ACO2: variants seen among roughly 807,000 people sequenced by gnomAD.
ACO2 encodes the protein aconitase 2.
A neutral mutation model predicts 84.5 loss-of-function variants in ACO2; 31 were observed. That is an observed-to-expected ratio of 0.37 (90% CI 0.28 to 0.50). The LOEUF (loss-of-function observed/expected upper bound fraction) is 0.50. ACO2 is among the 20% of genes least tolerant of loss of function. The pLI, the probability that ACO2 is intolerant of heterozygous loss-of-function variation, is 0.97. For missense variants in ACO2, 685 were observed against 1,029.3 expected (o/e 0.67, Z 4.58); for synonymous variants, 414 against 412.7 (o/e 1.00, Z -0.04).
At chr22:41,478,736 C>T (rs73887726) in intron 1 of ACO2, among the ~76,000 whole-genome samples, 2,851 of 151,544 alleles carry the variant, frequency 0.019, 81 homozygotes, top group African/African-American at 0.059. Flanking sequence ...TCCTTTAAAA[C>T]CCCCGCCCTG....
Position 41,528,965 on chromosome 22 carries a change from T to C in ACO2, c.*352T>C. The C allele has an allele frequency of 1.9e-6, 1 of 522,518 alleles. No individual in the cohort carries two copies. The highest frequency in any genetic ancestry group is 2.7e-5 in the South Asian group (1 of 37,444). 32.4% of individuals were successfully genotyped at this position (522,518 alleles called of 1,614,324 possible). A position where few individuals can be genotyped will look rare whatever the true frequency, so the allele number is the denominator to read the frequency against. ...TTTGTTCTTGCAAGGAAAACAAGAA[T>C]CCAAAACCAGTGACTGTTCTGTGAG... On this transcript the variant is annotated 3_prime_UTR_variant, in exon 18 of 18. Coordinates refer to ENST00000216254, the MANE Select transcript of ACO2 (RefSeq NM_001098.3).
intron 1 of ACO2, among the ~76,000 whole-genome samples, chr22:41,477,214 C>T (rs1055643330): frequency 5.3e-5 from 8 of 151,306 alleles, no homozygotes; most frequent in African/African-American, 1.7e-4. Flanking sequence ...AGTGCAGTGG[C>T]GCGATCTCCA....
At chr22:41,471,285 C>G (rs1243771238) in intron 1 of ACO2, among the ~76,000 whole-genome samples, 1 of 152,156 alleles carries the variant, frequency 6.6e-6, no homozygotes, top group African/African-American at 2.4e-5. Flanking sequence ...AAATCCTGGT[C>G]TCCTTGTTTG....
At position 41,528,347 on chromosome 22, in the gene ACO2, G is replaced by C. The variant is rs556287148; in HGVS notation, c.2209-132G>C. 6 of 1,324,554 alleles carry C rather than the reference G, an allele frequency of 4.5e-6. No homozygotes were observed. In the African/African-American group the frequency reaches 7.4e-5, roughly 16 times the overall value. The allele number at this position is 1,324,554 out of a possible 1,614,324, so 82.1% of individuals were successfully genotyped here. On this transcript the variant is annotated intron_variant, in intron 17 of 17. Transcript: ENST00000216254. ...GGTCTGACCTGGGCCATCAGGCACA[G>C]ACTGGCCTAGGATTTGGTTTGCCTG...
At chr22:41,472,161 T>C (rs2037953330) in intron 1 of ACO2, among the ~76,000 whole-genome samples, 1 of 152,098 alleles carries the variant, frequency 6.6e-6, no homozygotes, top group Non-Finnish European at 1.5e-5. Context: ...GAGACCAGCC[T>C]GGCCAATATG....
chr22:41,523,038 G>A (rs767544666), intron 10 of ACO2, 51 bp downstream of exon 10: 5 of 1,603,156 alleles, frequency 3.1e-6, no homozygotes, highest in Non-Finnish European at 4.3e-6. Flanking sequence ...GCTGAGTAAT[G>A]CCTCCAGGCG....
intron 1 of ACO2, among the ~76,000 whole-genome samples, chr22:41,489,717 C>G (rs887926702): frequency 1.3e-5 from 2 of 151,468 alleles, no homozygotes; most frequent in Admixed American, 6.6e-5. Flanking sequence ...CAGGAGGCAC[C>G]GGTGTCGGGT....
chr22:41,487,201 G>A (rs183063960), intron 1 of ACO2, among the ~76,000 whole-genome samples: 1 of 152,118 alleles, frequency 6.6e-6, no homozygotes, highest in Non-Finnish European at 1.5e-5. Flanking sequence ...TTTTCTTTCA[G>A]TTGCAAGTGC....
chr22:41,508,870 G>C (rs772687068), intron 3 of ACO2, among the ~76,000 whole-genome samples: 24 of 152,220 alleles, frequency 1.6e-4, no homozygotes, highest in Non-Finnish European at 2.8e-4. Flanking sequence ...TGCTGGCAGG[G>C]CTGCGGCCTG....
chr22:41,485,077 A>G (rs1199594204), intron 1 of ACO2, among the ~76,000 whole-genome samples: 2 of 151,902 alleles, frequency 1.3e-5, no homozygotes, highest in Admixed American at 6.6e-5. Flanking sequence ...AGGTTTCTCC[A>G]TGTTGGTCAG....
chr22:41,510,072 G>A lies in ACO2; in HGVS notation c.433-1804G>A, dbSNP rs946628118. ...GCTGGTTTCAAACTCCTGACCTCAG[G>A]TGATCCACCCACCTCGGCCTCCCAA... On this transcript the variant is annotated intron_variant, in intron 3 of 17. Coordinates refer to ENST00000216254, the MANE Select transcript of ACO2 (RefSeq NM_001098.3). 3.3e-5 allele frequency among the ~76,000 whole-genome samples: 5 copies of A among 152,216 alleles called. 1 individual carries two copies. Among genetic ancestry groups the A allele is most frequent in the Admixed American group, 6.5e-5 (1 of 15,292 alleles).
intron 1 of ACO2, among the ~76,000 whole-genome samples, chr22:41,482,460 C>G (rs2038100003): frequency 6.6e-6 from 1 of 152,230 alleles, no homozygotes; most frequent in Non-Finnish European, 1.5e-5. Context: ...AAGAGTCACA[C>G]AGAGATGTGT....
At chr22:41,478,457 C>A (rs1381156013) in intron 1 of ACO2, among the ~76,000 whole-genome samples, 1 of 152,128 alleles carries the variant, frequency 6.6e-6, no homozygotes, top group Non-Finnish European at 1.5e-5. Flanking sequence ...AAAACCCTTT[C>A]AATACTGTTT....
In ACO2 at chr22:41,507,840, G is replaced by C. The variant is rs2066405354; in HGVS notation, c.223G>C (p.Asp75His). Residue 75 changes from aspartate to histidine, a missense_variant, in exon 3 of 18, where the codon GAT becomes CAT. Asp to His is a moderately conservative substitution (Grantham distance 81, BLOSUM62 -1). Around this residue, in one of 5 missense-constraint regions of ACO2, gnomAD observed 98 missense variants for 107.6 expected, o/e 0.91. Coordinates refer to ENST00000216254, the MANE Select transcript of ACO2 (RefSeq NM_001098.3). ...GGAGAAGATTGTGTATGGACACCTG[G>C]ATGACCCCGCCAGCCAGGAAATTGA... is the stretch of plus-strand genomic sequence containing the variant. ...LSEKIVYGHLDDPASQEIERG... is the reference protein window; with the variant it reads ...LSEKIVYGHLHDPASQEIERG... 1 of 1,614,068 alleles carries C rather than the reference G, an allele frequency of 6.2e-7. No individual in the cohort carries two copies. Among genetic ancestry groups the C allele is most frequent in the Non-Finnish European group, 8.5e-7 (1 of 1,180,034 alleles).
At chr22:41,492,805 G>A (rs2066281502) in intron 1 of ACO2, among the ~76,000 whole-genome samples, 1 of 151,998 alleles carries the variant, frequency 6.6e-6, no homozygotes, top group Admixed American at 6.6e-5. Flanking sequence ...TTAGCCAGGC[G>A]TCATGGCAGG....
intron 1 of ACO2, among the ~76,000 whole-genome samples, chr22:41,488,553 G>T (rs1483894673): frequency 6.6e-6 from 1 of 152,194 alleles, no homozygotes; most frequent in Non-Finnish European, 1.5e-5. Flanking sequence ...TGACCAGCCA[G>T]TGGCCTGATC....
intron 7 of ACO2, 39 bp downstream of exon 7, chr22:41,517,670 C>A: frequency 1.3e-6 from 2 of 1,537,092 alleles, no homozygotes; most frequent in South Asian, 1.1e-5. Flanking sequence ...GTGGAACAGT[C>A]ACATGCCCGC....
At chr22:41,490,389 A>G (rs540637346) in intron 1 of ACO2, among the ~76,000 whole-genome samples, 21 of 152,324 alleles carry the variant, frequency 1.4e-4, no homozygotes, top group African/African-American at 4.6e-4. Context: ...TCAGTGTTCA[A>G]TTCATTAGTA....
At chr22:41,505,469 C>G (rs2066386594) in intron 2 of ACO2, among the ~76,000 whole-genome samples, 1 of 151,694 alleles carries the variant, frequency 6.6e-6, no homozygotes, top group Non-Finnish European at 1.5e-5. Flanking sequence ...ATGGAACATT[C>G]ACCATGTGCT....
Sources: allele counts gnomAD v4.1 joint callset (sites outside exome capture counted in the v4.1 genomes callset), GRCh38; gene constraint gnomAD v4.1.1; regional missense constraint gnomAD v4.1.1; transcripts MANE v1.5; gene names NCBI Gene and HGNC (gene_info 2026-07-23, HGNC 2026-07-21).